Variants in GPR137C observed in about 807,000 individuals in gnomAD.
GPR137C encodes the protein G protein-coupled receptor 137C, also known as integral membrane protein GPR137C.
A neutral mutation model predicts 43.4 loss-of-function variants in GPR137C; 27 were observed. The ratio of observed to expected loss-of-function variants is 0.62; its 90% confidence interval spans 0.46 to 0.86. GPR137C has a LOEUF of 0.86. Ranked by LOEUF, GPR137C falls within the 40% of genes least tolerant of loss-of-function variation. The pLI is 0.00. For missense variants in GPR137C, 522 were observed against 534.6 expected (o/e 0.98, Z 0.23); for synonymous variants, 285 against 226.9 (o/e 1.26, Z -2.30).
intron 3 of GPR137C, among the ~76,000 whole-genome samples, chr14:52,607,185 T>G (rs771269003): frequency 2.6e-5 from 4 of 152,208 alleles, no homozygotes; most frequent in African/African-American, 9.6e-5. Flanking sequence ...ATTAATTTGT[T>G]GAGACTTGTT....
In GPR137C at chr14:52,553,461, C is replaced by G. The variant is rs1354947443; in HGVS notation, c.314C>G (p.Ser105Trp). The G allele has an allele frequency of 6.2e-7, 1 of 1,608,954 alleles. No individual in the cohort carries two copies. The highest frequency in any genetic ancestry group is 8.5e-7 in the Non-Finnish European group (1 of 1,179,786). ...LRTTLFSAAF[S>W]LSGSLPLLRP... ...ACCACCCTCTTCTCCGCCGCCTTCT[C>G]GCTCAGCGGCTCCCTGCCCTTGCTC... Residue 105 changes from serine to tryptophan, a missense_variant, in exon 1 of 7, where the codon TCG (serine) becomes TGG (tryptophan). By Grantham distance (177) the Ser-to-Trp change is radical. Transcript: ENST00000321662.
Position 52,635,108 on chromosome 14 carries a change from A to C in GPR137C, c.1283A>C (p.Gln428Pro), listed in dbSNP as rs754029226. The C allele has an allele frequency of 6.1e-5, 96 of 1,561,476 alleles. No individual in the cohort carries two copies. The Admixed American group carries it at 2.0e-3, about 32-fold the overall frequency. Residue 428 changes from glutamine to proline, a missense_variant, in exon 7 of 7, where the codon CAA (glutamine) becomes CCA (proline). Gln to Pro is a moderately conservative substitution (Grantham distance 76). Around this residue, in one of 3 missense-constraint regions of GPR137C, gnomAD observed 67 missense variants for 69.0 expected, o/e 0.97. Transcript: ENST00000321662. Reference sequence around the variant, plus strand: ...CATCATAGCTTATATGTGACACCACAAAACTGACAGCATCACCAAGTCATG... The same window carrying C: ...CATCATAGCTTATATGTGACACCACCAAACTGACAGCATCACCAAGTCATG... The part of the protein sequence containing the change: ...NNHHSLYVTP[Q>P]N
intron 1 of GPR137C, among the ~76,000 whole-genome samples, chr14:52,581,194 TC>T (rs2038641605): frequency 2.2e-5 from 2 of 89,324 alleles, no homozygotes; most frequent in African/African-American, 4.4e-5. Context: ...AGACTTCTTC[TC>T]AAAAAAAAAA....
chr14:52,567,158 G>C (rs1464757336), intron 1 of GPR137C, among the ~76,000 whole-genome samples: 1 of 152,096 alleles, frequency 6.6e-6, no homozygotes, highest in African/African-American at 2.4e-5. Context: ...AGGTAGTTAA[G>C]AACTTGGGCA....
intron 1 of GPR137C, among the ~76,000 whole-genome samples, chr14:52,584,105 C>T (rs1018263755): frequency 2.0e-5 from 3 of 152,146 alleles, no homozygotes; most frequent in African/African-American, 4.8e-5. Context: ...TGTTCATTCA[C>T]CAGAGTGAGT....
chr14:52,573,214 A>G (rs1267045190), intron 1 of GPR137C, among the ~76,000 whole-genome samples: 2 of 152,232 alleles, frequency 1.3e-5, no homozygotes, highest in East Asian at 1.9e-4. Context: ...CAGAATTAGA[A>G]CAAACTATTT....
rs566339341 is a variant in GPR137C, at chr14:52,585,571, C to T, written c.445-12701C>T. ...GACCAAGGCCAGGTATGGTGGCTCA[C>T]GCCTGTAATCCCAGCACTTTGGGAG... On this transcript the variant is annotated intron_variant, in intron 1 of 6. Coordinates refer to ENST00000321662, the MANE Select transcript of GPR137C (RefSeq NM_001099652.2). Among the ~76,000 whole-genome samples, 27 of 152,304 alleles carry T rather than the reference C, an allele frequency of 1.8e-4. 1 individual carries two copies. The highest frequency in any genetic ancestry group is 6.5e-4 in the Admixed American group (10 of 15,292).
chr14:52,578,880 T>C (rs571096690), intron 1 of GPR137C, among the ~76,000 whole-genome samples: 1 of 151,950 alleles, frequency 6.6e-6, no homozygotes, highest in African/African-American at 2.4e-5. Context: ...GGAGGCCGAG[T>C]TTGCAGTGAG....
At chr14:52,562,730 G>A (rs2038305392) in intron 1 of GPR137C, among the ~76,000 whole-genome samples, 1 of 152,122 alleles carries the variant, frequency 6.6e-6, no homozygotes, top group South Asian at 2.1e-4. Context: ...CTATATATCA[G>A]AACTTGAATT....
At chr14:52,622,828 A>C (rs1264908042) in intron 3 of GPR137C, among the ~76,000 whole-genome samples, 1 of 152,114 alleles carries the variant, frequency 6.6e-6, no homozygotes, top group Non-Finnish European at 1.5e-5. Flanking sequence ...GTTTATATTT[A>C]ATATAAATTA....
intron 1 of GPR137C, among the ~76,000 whole-genome samples, chr14:52,585,379 G>GCT (rs10682371): frequency 0.09 from 13,621 of 152,022 alleles, 672 homozygotes; most frequent in South Asian, 0.15. Context: ...GCTCTCACTT[G>GCT]CTCTCTCTCT....
Position 52,553,088 on chromosome 14 carries a change from G to T in GPR137C, c.-60G>T, listed in dbSNP as rs929543125. 1.1e-5 allele frequency: 11 copies of T among 959,230 alleles called. No individual in the cohort carries two copies. The highest frequency in any genetic ancestry group is 5.6e-5 in the East Asian group (1 of 17,938). The allele number at this position is 959,230 out of a possible 1,614,324, so 59.4% of individuals were successfully genotyped here. A position where few individuals can be genotyped will look rare whatever the true frequency, so the allele number is the denominator to read the frequency against. On this transcript the variant is annotated 5_prime_UTR_variant, in exon 1 of 7. Transcript: ENST00000321662. ...GGGGGCAGTCCTTCTCCCCTTCGAC[G>T]GCGGCTCCGAGTCCAGCCCCTTCCT...
intron 1 of GPR137C, among the ~76,000 whole-genome samples, chr14:52,569,257 G>A (rs1406654227): frequency 2.6e-5 from 4 of 152,030 alleles, no homozygotes; most frequent in Non-Finnish European, 4.4e-5. Context: ...CAACAAAAAA[G>A]GACATCCATG....
intron 3 of GPR137C, among the ~76,000 whole-genome samples, 190 bp downstream of exon 3, chr14:52,600,531 A>G (rs1337883380): frequency 6.6e-6 from 1 of 152,204 alleles, no homozygotes; most frequent in Non-Finnish European, 1.5e-5. Flanking sequence ...TGTGCAGTAC[A>G]GCCTTGAGCT....
intron 3 of GPR137C, among the ~76,000 whole-genome samples, chr14:52,618,126 A>G (rs1441132645): frequency 6.6e-6 from 1 of 152,170 alleles, no homozygotes; most frequent in Non-Finnish European, 1.5e-5. Flanking sequence ...ACTGAAGAAC[A>G]GGATTCCCCT....
rs1486082462 is a variant in GPR137C at position 52,637,688 on chromosome 14, T to C, written c.*2573T>C. 1 of 152,092 alleles carries C rather than the reference T, an allele frequency of 6.6e-6. No individual in the cohort carries two copies. Among genetic ancestry groups the C allele is most frequent in the Non-Finnish European group, 1.5e-5 (1 of 68,008 alleles). The allele number at this position is 152,092 out of a possible 1,614,324, so 9.4% of individuals were successfully genotyped here. ...CTAAATTGTAACAAAACACTACTAT[T>C]AAAAATAAAAGTGTTTGTGCTTTTA... is the stretch of plus-strand genomic sequence containing the variant. On this transcript the variant is annotated 3_prime_UTR_variant, in exon 7 of 7. Coordinates refer to ENST00000321662, the MANE Select transcript of GPR137C (RefSeq NM_001099652.2).
chr14:52,628,322 AACTCCATTTC>A (rs2039254017), intron 3 of GPR137C, among the ~76,000 whole-genome samples: 1 of 152,238 alleles, frequency 6.6e-6, no homozygotes, highest in Non-Finnish European at 1.5e-5. Flanking sequence ...ATGAACCTCC[AACTCCATTTC>A]ATACCATACA....
At chr14:52,592,265 T>A (rs1405758736) in intron 1 of GPR137C, among the ~76,000 whole-genome samples, 2 of 152,222 alleles carry the variant, frequency 1.3e-5, no homozygotes, top group Non-Finnish European at 2.9e-5. Context: ...CTGTGATGCC[T>A]CCAGCTTCGT....
At chr14:52,563,264 A>C (rs2038313775) in intron 1 of GPR137C, among the ~76,000 whole-genome samples, 1 of 152,114 alleles carries the variant, frequency 6.6e-6, no homozygotes, top group East Asian at 1.9e-4. Context: ...CTAAACACTT[A>C]AACCTAGATC....
Sources: gnomAD v4.1 joint callset for allele counts (sites outside exome capture counted in the v4.1 genomes callset) on GRCh38, gnomAD v4.1.1 for gene constraint, gnomAD v4.1.1 regional missense constraint, MANE v1.5 for transcripts, NCBI Gene and HGNC (gene_info 2026-07-23, HGNC 2026-07-21) for gene names.